The following SCMH1 variants were observed in gnomAD, a reference collection of about 807,000 sequenced individuals.
SCMH1 encodes the protein polycomb protein SCMH1.
In SCMH1, 37 loss-of-function variants were observed where a neutral mutation model predicts 70.8. That is an observed-to-expected ratio of 0.52 (90% CI 0.40 to 0.69). The LOEUF (loss-of-function observed/expected upper bound fraction) is 0.69. Among genes scored for constraint, SCMH1 ranks in the 30% least tolerant of loss-of-function variants. The probability of loss-of-function intolerance (pLI) is 0.00; values close to 1 mark genes in which losing one functional copy is unlikely to be tolerated. For missense variants in SCMH1, 607 were observed against 827.3 expected, an observed-to-expected ratio of 0.73 and a Z score of 3.27; for synonymous variants, 292 against 307.4, an observed-to-expected ratio of 0.95 and a Z score of 0.52.
At chr1:41,181,310 A>G (rs879134126) in intron 2 of SCMH1, among the ~76,000 whole-genome samples, 1 of 152,210 alleles carries the variant, frequency 6.6e-6, no homozygotes, top group Non-Finnish European at 1.5e-5. Flanking sequence ...TGTCTAAAAC[A>G]CCAAAAGCAA....
exon 9 of SCMH1, chr1:41,075,238 C>T (rs757421583): frequency 6.2e-7 from 1 of 1,614,116 alleles, no homozygotes; most frequent in Non-Finnish European, 8.5e-7. Flanking sequence ...AGGTTTGGGA[C>T]CTCTCTTCTT....
intron 1 of SCMH1, among the ~76,000 whole-genome samples, 187 bp from the exon 2 acceptor site, chr1:41,186,437 T>C (rs1038586302): frequency 6.6e-6 from 1 of 152,200 alleles, no homozygotes; most frequent in African/African-American, 2.4e-5. Context: ...TTGAATTTAA[T>C]TAAGCCTCTA....
At chr1:41,165,575 A>C (rs112348751) in intron 2 of SCMH1, among the ~76,000 whole-genome samples, 60 of 152,188 alleles carry the variant, frequency 3.9e-4, no homozygotes, top group African/African-American at 1.4e-3. Flanking sequence ...ATAAGAGCCA[A>C]CCTAAAAGGT....
chr1:41,209,010 A>G (rs1656318813), intron 1 of SCMH1, among the ~76,000 whole-genome samples: 1 of 152,236 alleles, frequency 6.6e-6, no homozygotes, highest in African/African-American at 2.4e-5. Flanking sequence ...AAAAGAGAGA[A>G]GAATCAAATA....
intron 8 of SCMH1, among the ~76,000 whole-genome samples, chr1:41,088,069 A>G (rs1175781053): frequency 1.3e-5 from 2 of 152,054 alleles, no homozygotes; most frequent in African/African-American, 4.8e-5. Flanking sequence ...ACAGCTTAGA[A>G]TAAGGGAGAT....
At chr1:41,037,721 C>T (rs967822932) in intron 12 of SCMH1, among the ~76,000 whole-genome samples, 180 bp from the exon 13 acceptor site, 2 of 152,222 alleles carry the variant, frequency 1.3e-5, no homozygotes, top group Admixed American at 6.5e-5. Flanking sequence ...AGCTCAGTGC[C>T]ACTCTCTGGA....
intron 2 of SCMH1, among the ~76,000 whole-genome samples, chr1:41,184,551 T>C (rs1044726690): frequency 3.3e-5 from 5 of 152,172 alleles, no homozygotes; most frequent in Non-Finnish European, 4.4e-5. Flanking sequence ...AAAAGACCCC[T>C]GTTCTAGCTT....
At chr1:41,124,808 C>T (rs12063039) in intron 6 of SCMH1, among the ~76,000 whole-genome samples, 1 of 152,024 alleles carries the variant, frequency 6.6e-6, no homozygotes, top group African/African-American at 2.4e-5. Flanking sequence ...ATTGCCCAGG[C>T]TGGTCTTGAA....
chr1:41,206,178 T>A (rs1655501245), intron 1 of SCMH1, among the ~76,000 whole-genome samples: 1 of 152,128 alleles, frequency 6.6e-6, no homozygotes, highest in Admixed American at 6.5e-5. Context: ...AGAATAAAGC[T>A]GGATGGAGAA....
intron 6 of SCMH1, among the ~76,000 whole-genome samples, chr1:41,125,336 C>T (rs1672921421): frequency 6.6e-6 from 1 of 151,856 alleles, no homozygotes; most frequent in South Asian, 2.1e-4. Flanking sequence ...CCTTTTCAGC[C>T]TCCTGAGTAG....
chr1:41,180,564 G>A (rs1351446930), intron 2 of SCMH1, among the ~76,000 whole-genome samples: 1 of 152,120 alleles, frequency 6.6e-6, no homozygotes, highest in Admixed American at 6.6e-5. Flanking sequence ...CAGACAAACA[G>A]AGAGCCAAAT....
chr1:41,135,996 T>C (rs189902936), intron 6 of SCMH1, among the ~76,000 whole-genome samples: 1 of 151,116 alleles, frequency 6.6e-6, no homozygotes, highest in African/African-American at 2.4e-5. Context: ...CAGGCTGGAG[T>C]GTAGTGGTAC....
At chr1:41,158,008 G>T (rs1645697087) in intron 4 of SCMH1, among the ~76,000 whole-genome samples, 1 of 152,102 alleles carries the variant, frequency 6.6e-6, no homozygotes, top group South Asian at 2.1e-4. Flanking sequence ...TTCTTTCTTG[G>T]ACTAATAAAA....
intron 1 of SCMH1, among the ~76,000 whole-genome samples, chr1:41,197,960 A>G (rs1416370185): frequency 6.6e-6 from 1 of 152,200 alleles, no homozygotes; most frequent in Non-Finnish European, 1.5e-5. Context: ...AGCATGCAGT[A>G]CAGATGGGCT....
Position 41,238,400 on chromosome 1 carries a change from A to G in SCMH1, c.-118+3659T>C, listed in dbSNP as rs1024105101. Among the ~76,000 whole-genome samples the G allele has an allele frequency of 6.6e-5, 10 of 152,358 alleles. No individual in the cohort carries two copies. The East Asian group carries it at 1.9e-3, about 29-fold the overall frequency. Reference sequence around the variant, plus strand: ...TGAGTCCTGAATAAAGATAGAGATCAGAACTCTGCTTCCAGGAAGGAAAAG... The same window carrying G: ...TGAGTCCTGAATAAAGATAGAGATCGGAACTCTGCTTCCAGGAAGGAAAAG... On this transcript the variant is annotated intron_variant, in intron 1 of 14. Coordinates refer to ENST00000337495, the Ensembl canonical transcript of SCMH1.
chr1:41,216,505 A>T (rs979591368), intron 1 of SCMH1, among the ~76,000 whole-genome samples: 1 of 152,212 alleles, frequency 6.6e-6, no homozygotes, highest in Non-Finnish European at 1.5e-5. Context: ...ACCAAGAGCC[A>T]CAACTAGGCA....
intron 6 of SCMH1, among the ~76,000 whole-genome samples, chr1:41,140,919 T>G (rs1476305948): frequency 6.6e-6 from 1 of 152,198 alleles, no homozygotes; most frequent in Admixed American, 6.5e-5. Flanking sequence ...TAAGGTCAAT[T>G]GGTGTGATGG....
At chr1:41,209,467 A>G (rs114660104) in intron 1 of SCMH1, among the ~76,000 whole-genome samples, 2,196 of 152,376 alleles carry the variant, frequency 0.014, 20 homozygotes, top group Admixed American at 0.02. Context: ...AAAACCATCA[A>G]TAAAATACTG....
At chr1:41,043,910 T>C (rs1646561969) in intron 12 of SCMH1, 1 of 152,168 alleles carries the variant, frequency 6.6e-6, no homozygotes, top group African/African-American at 2.4e-5. Flanking sequence ...AACAAGTATG[T>C]ATATTTATAT....
Sources: allele counts gnomAD v4.1 joint callset (sites outside exome capture counted in the v4.1 genomes callset), GRCh38; gene constraint gnomAD v4.1.1; transcripts MANE v1.5; gene names NCBI Gene and HGNC (gene_info 2026-07-23, HGNC 2026-07-21).